The following C2CD2L variants were observed in gnomAD, a reference collection of about 807,000 sequenced individuals.
C2CD2L encodes phospholipid transfer protein C2CD2L.
A neutral mutation model predicts 69.9 loss-of-function variants in C2CD2L; 24 were observed. That is an observed-to-expected ratio of 0.34 (90% CI 0.25 to 0.48). C2CD2L has a LOEUF of 0.48. Ranked by LOEUF, C2CD2L falls within the 20% of genes least tolerant of loss-of-function variation. The pLI is 0.99. For missense variants in C2CD2L, 811 were observed against 941.5 expected, an observed-to-expected ratio of 0.86 and a Z score of 1.81; for synonymous variants, 367 against 391.0, an observed-to-expected ratio of 0.94 and a Z score of 0.72.
Position 119,112,602 on chromosome 11 carries a change from C to T in C2CD2L, c.1205C>T (p.Ala402Val). ...GCCCTGGGACCAGCAGCCACCATGG[C>T]AGTGGAGGTGAGAAGCTGACCCCTG... The part of the protein sequence containing the change: ...GKALGPAATM[A>V]VELHYEEGSP... The change falls in exon 9 of 14, where the codon GCA (alanine) becomes GTA (valine). Residue 402 changes from alanine (A) to valine (V), a missense_variant. Transcript: ENST00000648610. 1 of 1,609,356 alleles carries T rather than the reference C, an allele frequency of 6.2e-7. No individual in the cohort carries two copies. Among genetic ancestry groups the T allele is most frequent in the Non-Finnish European group, 8.5e-7 (1 of 1,178,244 alleles).
Position 119,107,713 on chromosome 11 carries a change from C to G in C2CD2L, c.-29C>G. 1.4e-6 allele frequency: 2 copies of G among 1,404,204 alleles called. No individual in the cohort carries two copies. The highest frequency in any genetic ancestry group is 1.5e-5 in the African/African-American group (1 of 66,242). The allele number at this position is 1,404,204 out of a possible 1,614,324, so 87.0% of individuals were successfully genotyped here. A position where few individuals can be genotyped will look rare whatever the true frequency, so the allele number is the denominator to read the frequency against. On this transcript the variant is annotated 5_prime_UTR_variant, in exon 1 of 14. Transcript: ENST00000648610. This position sits in a 1 kb window ranked among gnomAD's most constrained non-coding sequence, Gnocchi z 5.4. ...CCCGGGGCAGCGGGTGAGCCCCAGC[C>G]GGGACCGGGATCGGAGCCCGCGCGG...
chr11:119,114,644 A>T lies in C2CD2L; in HGVS notation c.1909+279A>T, dbSNP rs1946839876. The T allele has an allele frequency of 4.5e-6, 2 of 440,380 alleles. No individual in the cohort carries two copies. Among genetic ancestry groups the T allele is most frequent in the Admixed American group, 3.8e-5 (1 of 26,372 alleles). The allele number at this position is 440,380 out of a possible 1,614,324, so 27.3% of individuals were successfully genotyped here. ...GCCATTTTTCCTGCCCTTTAAAAAA[A>T]AATTATAAAAATTTATTCCTAGGCA... On this transcript the variant is annotated intron_variant, in intron 13 of 13. Transcript: ENST00000648610. This position sits in a 1 kb window ranked among gnomAD's most constrained non-coding sequence, Gnocchi z 5.1.
rs200367337 is a variant in C2CD2L at position 119,112,483 on chromosome 11, C to T, written c.1086C>T (p.Thr362=). 2.2e-5 allele frequency: 35 copies of T among 1,613,822 alleles called. No homozygotes were observed. In the East Asian group the frequency reaches 4.7e-4, roughly 22 times the overall value. The change falls in exon 9 of 14, where the codon ACC becomes ACT. Residue 362 remains threonine (T), a splice_region_variant and synonymous_variant. Transcript: ENST00000648610. The part of the protein sequence containing the change: ...KVLRSSSCGD[T]ELLGQATLPV... ...TCACAGTGCCATCCCTTTCCCCAGC[C>T]GAACTCCTAGGCCAGGCCACACTGC...
At position 119,114,439 on chromosome 11, in the gene C2CD2L, A is replaced by G. The variant is rs1946835131; in HGVS notation, c.1909+74A>G. On this transcript the variant is annotated intron_variant, in intron 13 of 13. Transcript: ENST00000648610. The surrounding 1 kb of genome is among the most constrained non-coding windows in gnomAD (Gnocchi z 5.1). ...ATCATGACCTGGGGGACCTCGAGCC[A>G]GTGTGCCTTCTCCTTCCTCCCCTAA... is the stretch of plus-strand genomic sequence containing the variant. 6.8e-7 allele frequency: 1 copy of G among 1,471,678 alleles called. No homozygotes were observed. Among genetic ancestry groups the G allele is most frequent in the African/African-American group, 1.4e-5 (1 of 72,262 alleles). The allele number at this position is 1,471,678 out of a possible 1,614,324, so 91.2% of individuals were successfully genotyped here. A position where few individuals can be genotyped will look rare whatever the true frequency, so the allele number is the denominator to read the frequency against.
chr11:119,110,049 A>G lies in C2CD2L; in HGVS notation c.355-55A>G, dbSNP rs1946693269. ...GTCCAGCCAGCAACTGAGCAGGCCAACCCTGTGGGGGGCAGCTCCAGAGAC... is the reference window on the plus strand; with the variant it reads ...GTCCAGCCAGCAACTGAGCAGGCCAGCCCTGTGGGGGGCAGCTCCAGAGAC... On this transcript the variant is annotated intron_variant, in intron 1 of 13. Coordinates refer to ENST00000648610, the MANE Select transcript of C2CD2L (RefSeq NM_001290474.2). The surrounding 1 kb of genome is among the most constrained non-coding windows in gnomAD (Gnocchi z 5.7). 7 of 1,336,026 alleles carry G rather than the reference A, an allele frequency of 5.2e-6. No individual in the cohort carries two copies. The highest frequency in any genetic ancestry group is 7.6e-6 in the Non-Finnish European group (7 of 926,566). The allele number at this position is 1,336,026 out of a possible 1,614,324, so 82.8% of individuals were successfully genotyped here.
At position 119,114,370 on chromosome 11, in the gene C2CD2L, G is replaced by T; in HGVS notation, c.1909+5G>T. ...GCAGCCTCAAGGATCACAAAGGTAGGGGGACGTTGGCAGGGTGCCCCTCAT... is the reference window on the plus strand; with the variant it reads ...GCAGCCTCAAGGATCACAAAGGTAGTGGGACGTTGGCAGGGTGCCCCTCAT... On this transcript the variant is annotated splice_donor_5th_base_variant and intron_variant, in intron 13 of 13. Coordinates refer to ENST00000648610, the MANE Select transcript of C2CD2L (RefSeq NM_001290474.2). The surrounding 1 kb of genome is among the most constrained non-coding windows in gnomAD (Gnocchi z 5.1). 6.2e-7 allele frequency: 1 copy of T among 1,613,626 alleles called. No individual in the cohort carries two copies. Among genetic ancestry groups the T allele is most frequent in the Non-Finnish European group, 8.5e-7 (1 of 1,179,726 alleles).
At chr11:119,102,674 T>C (rs1000265564), upstream of C2CD2L, among the ~76,000 whole-genome samples, 1 of 151,518 alleles carries the variant, frequency 6.6e-6, no homozygotes, top group Admixed American at 6.6e-5. Flanking sequence ...GAGATGGAGA[T>C]TTCCAGGCTG....
In C2CD2L at chr11:119,112,144, C is replaced by T. The variant is rs936939945; in HGVS notation, c.1020-184C>T. On this transcript the variant is annotated intron_variant, in intron 7 of 13. Coordinates refer to ENST00000648610, the MANE Select transcript of C2CD2L (RefSeq NM_001290474.2). ...AATGCATAGCTGAGAAGCATGGTTTCCACTCAGGCCCTGTCCCTTTCTCTT... is the reference window on the plus strand; with the variant it reads ...AATGCATAGCTGAGAAGCATGGTTTTCACTCAGGCCCTGTCCCTTTCTCTT... 8.4e-6 allele frequency: 5 copies of T among 596,014 alleles called. No individual in the cohort carries two copies. In the African/African-American group the frequency reaches 9.4e-5, roughly 11 times the overall value. 36.9% of individuals were successfully genotyped at this position (596,014 alleles called of 1,614,324 possible).
chr11:119,113,785 A>G, intron 11 of C2CD2L, 70 bp from the exon 12 acceptor site: 1 of 1,612,542 alleles, frequency 6.2e-7, no homozygotes, highest in Non-Finnish European at 8.5e-7. Flanking sequence ...TCTGGGTGGG[A>G]TAGGAGGAGT....
chr11:119,102,312 C>G, upstream of C2CD2L: 1 of 471,800 alleles, frequency 2.1e-6, no homozygotes, highest in Middle Eastern at 3.2e-4. Flanking sequence ...GGAGGAGGGA[C>G]GAGGGTGTGG....
intron 7 of C2CD2L, 150 bp from the exon 8 acceptor site, chr11:119,112,178 A>C: frequency 2.9e-6 from 2 of 679,808 alleles, no homozygotes; most frequent in Non-Finnish European, 5.0e-6. Flanking sequence ...TTGGGACGAG[A>C]GAGAATTTGG....
At position 119,109,428 on chromosome 11, in the gene C2CD2L, A is replaced by ATACCG. The variant is rs1946679377; in HGVS notation, c.355-674_355-670dup. On this transcript the variant is annotated intron_variant, in intron 1 of 13. Coordinates refer to ENST00000648610, the MANE Select transcript of C2CD2L (RefSeq NM_001290474.2). This position sits in a 1 kb window ranked among gnomAD's most constrained non-coding sequence, Gnocchi z 5.1. ...GATCTAAGCAGCTTTCTGCTCTCTA[A>ATACCG]TACCGTCCTGCTATCTGCCTTGAGG... is the stretch of plus-strand genomic sequence containing the variant. 1.3e-5 allele frequency among the ~76,000 whole-genome samples: 2 copies of ATACCG among 152,170 alleles called. No homozygotes were observed. The highest frequency in any genetic ancestry group is 2.4e-5 in the African/African-American group (1 of 41,420).
chr11:119,114,266 A>G lies in C2CD2L; in HGVS notation c.1810A>G (p.Thr604Ala), dbSNP rs1416986132. Residue 604 changes from threonine to alanine, a missense_variant, in exon 13 of 14, where the codon ACC becomes GCC. Physicochemically the swap from Thr to Ala is moderately conservative, Grantham distance 58 (BLOSUM62 0). Coordinates refer to ENST00000648610, the MANE Select transcript of C2CD2L (RefSeq NM_001290474.2). This position sits in a 1 kb window ranked among gnomAD's most constrained non-coding sequence, Gnocchi z 5.1. ...AAGTGTCCAGGAAGCAGACGAGACA[A>G]CCCGTTCGGATATTTCTGAGAGGCC... is the stretch of plus-strand genomic sequence containing the variant. ...PTSVQEADET[T>A]RSDISERPSV... 3.1e-6 allele frequency: 5 copies of G among 1,613,904 alleles called. No individual in the cohort carries two copies. Among genetic ancestry groups the G allele is most frequent in the Non-Finnish European group, 4.2e-6 (5 of 1,179,996 alleles).
upstream of C2CD2L, among the ~76,000 whole-genome samples, chr11:119,105,183 C>A (rs1946558298): frequency 6.6e-6 from 1 of 152,188 alleles, no homozygotes; most frequent in Non-Finnish European, 1.5e-5. Context: ...TCTACTTCAG[C>A]ATATTTGGAG....
Position 119,112,725 on chromosome 11 carries a change from G to A in C2CD2L, c.1238G>A (p.Arg413Gln), listed in dbSNP as rs373042322. 132 of 1,613,606 alleles carry A rather than the reference G, an allele frequency of 8.2e-5. No homozygotes were observed. The highest frequency in any genetic ancestry group is 1.0e-4 in the Non-Finnish European group (121 of 1,179,810). ...CTTCACTATGAGGAGGGCTCTCCCC[G>A]GAACCTGGGTACTCCCACCTCCTCC... Reference protein sequence around the residue: ...VELHYEEGSPRNLGTPTSSTP... With the variant: ...VELHYEEGSPQNLGTPTSSTP... Residue 413 changes from arginine (R) to glutamine (Q), a missense_variant, in exon 10 of 14, where the codon CGG becomes CAG. Physicochemically the swap from Arg to Gln is conservative, Grantham distance 43 (BLOSUM62 1). Transcript: ENST00000648610.
rs762188942 is a variant in C2CD2L, at chr11:119,107,697, G to C, written c.-45G>C. 1.6e-6 allele frequency: 2 copies of C among 1,272,454 alleles called. No homozygotes were observed. Among genetic ancestry groups the C allele is most frequent in the East Asian group, 6.2e-5 (2 of 32,160 alleles). 78.8% of individuals were successfully genotyped at this position (1,272,454 alleles called of 1,614,324 possible). A position where few individuals can be genotyped will look rare whatever the true frequency, so the allele number is the denominator to read the frequency against. ...GCCCGGGCCATGCTCCCCCGGGGCAGCGGGTGAGCCCCAGCCGGGACCGGG... is the reference window on the plus strand; with the variant it reads ...GCCCGGGCCATGCTCCCCCGGGGCACCGGGTGAGCCCCAGCCGGGACCGGG... On this transcript the variant is annotated 5_prime_UTR_variant, in exon 1 of 14. Transcript: ENST00000648610. This position sits in a 1 kb window ranked among gnomAD's most constrained non-coding sequence, Gnocchi z 5.4.
At position 119,117,491 on chromosome 11, in the gene C2CD2L, TA is replaced by T. The variant is rs1328802645; in HGVS notation, c.*1237del. ...CTTGTGTGACCTTGGGCAAGTTATG[TA>T]ACCTCTAAGTGCCTCAGTTTTCTCA... is the stretch of plus-strand genomic sequence containing the variant. On this transcript the variant is annotated 3_prime_UTR_variant, in exon 14 of 14. Transcript: ENST00000648610. 6.6e-6 allele frequency: 1 copy of T among 152,250 alleles called. No individual in the cohort carries two copies. The highest frequency in any genetic ancestry group is 1.5e-5 in the Non-Finnish European group (1 of 68,060). The allele number at this position is 152,250 out of a possible 1,614,324, so 9.4% of individuals were successfully genotyped here. A position where few individuals can be genotyped will look rare whatever the true frequency, so the allele number is the denominator to read the frequency against.
chr11:119,116,403 A>C lies in C2CD2L; in HGVS notation c.*147A>C, dbSNP rs868396772. The C allele has an allele frequency of 1.5e-6, 1 of 658,804 alleles. No homozygotes were observed. The highest frequency in any genetic ancestry group is 2.9e-4 in the Middle Eastern group (1 of 3,480). 40.8% of individuals were successfully genotyped at this position (658,804 alleles called of 1,614,324 possible). The stretch of plus-strand genomic sequence containing the variant: ...CACCCTGGGCCATGGGGCCGGTTGG[A>C]AGGATACTTGGAACGGGAAGCACAT... On this transcript the variant is annotated 3_prime_UTR_variant, in exon 14 of 14. Coordinates refer to ENST00000648610, the MANE Select transcript of C2CD2L (RefSeq NM_001290474.2).
intron 10 of C2CD2L, chr11:119,113,233 G>A: frequency 2.5e-6 from 1 of 396,984 alleles, no homozygotes; most frequent in East Asian, 4.6e-5. Flanking sequence ...GCACCCCCTG[G>A]GGTCCTCCAA....
Sources: allele counts gnomAD v4.1 joint callset (sites outside exome capture counted in the v4.1 genomes callset), GRCh38; gene constraint gnomAD v4.1.1; non-coding constraint Gnocchi (gnomAD v3.1); transcripts MANE v1.5; gene names NCBI Gene and HGNC (gene_info 2026-07-23, HGNC 2026-07-21).